The following LRRC9 variants were observed in gnomAD, a reference collection of about 807,000 sequenced individuals.
The protein encoded by LRRC9 is leucine-rich repeat-containing protein 9.
In LRRC9, 122 loss-of-function variants were observed where a neutral mutation model predicts 63.2. The ratio of observed to expected loss-of-function variants is 1.93; its 90% CI spans 1.67 to 2.24. The LOEUF is 2.24. Ranked by LOEUF, LRRC9 falls within the 30% of genes most tolerant of loss-of-function variation. LRRC9 has a pLI of 0.00. For synonymous variants in LRRC9, 366 were observed against 213.1 expected (o/e 1.72, Z -6.25); for missense variants, 1,071 against 627.7 (o/e 1.71, Z -7.55).
At chr14:60,011,656 T>G (rs1043154801) in intron 23 of LRRC9, among the ~76,000 whole-genome samples, 1 of 152,198 alleles carries the variant, frequency 6.6e-6, no homozygotes, top group Non-Finnish European at 1.5e-5. Flanking sequence ...AATGTATGAA[T>G]TAATAATTGG....
Position 59,919,945 on chromosome 14 carries a change from C to G in LRRC9, c.-34+62C>G, listed in dbSNP as rs1888620431. The G allele has an allele frequency of 6.6e-6, 1 of 152,256 alleles. No individual in the cohort carries two copies. 9.4% of individuals were successfully genotyped at this position (152,256 alleles called of 1,614,324 possible). A position where few individuals can be genotyped will look rare whatever the true frequency, so the allele number is the denominator to read the frequency against. On this transcript the variant is annotated intron_variant, in intron 1 of 31. Coordinates refer to ENST00000445360, the Ensembl canonical transcript of LRRC9. This position sits in a 1 kb window ranked among gnomAD's most constrained non-coding sequence, Gnocchi z 4.5. ...GCCAGCGAGAAGCTCCCGCCGTTTC[C>G]CAGGAGCCCCAGGTGGGGTCTTCCG...
chr14:59,989,664 A>G (rs1887846327), intron 17 of LRRC9, among the ~76,000 whole-genome samples: 1 of 152,022 alleles, frequency 6.6e-6, no homozygotes, highest in Admixed American at 6.6e-5. Context: ...CTTTTTTGCT[A>G]CCAGTAATAT....
intron 6 of LRRC9, among the ~76,000 whole-genome samples, chr14:59,933,211 C>G (rs1566784379): frequency 6.6e-6 from 1 of 152,136 alleles, no homozygotes; most frequent in South Asian, 2.1e-4. Context: ...ACCGTCACAA[C>G]CTCCCCAACC....
rs1003562524 is a variant in LRRC9 at position 59,992,101 on chromosome 14, C to A, written c.2212-5555C>A. Among the ~76,000 whole-genome samples the A allele has an allele frequency of 2.6e-5, 4 of 152,162 alleles. No homozygotes were observed. The East Asian group carries it at 7.7e-4, about 29-fold the overall frequency. On this transcript the variant is annotated intron_variant, in intron 17 of 31. Coordinates refer to ENST00000445360, the Ensembl canonical transcript of LRRC9. ...TGACACCTCACATGGCCGGGTACTC[C>A]TCTGAGACAAAACTTCCAGAGGAAT...
In LRRC9 at chr14:59,986,511, T is replaced by A. The variant is rs1331129985; in HGVS notation, c.2211+1287T>A. On this transcript the variant is annotated intron_variant, in intron 17 of 31. Coordinates refer to ENST00000445360, the Ensembl canonical transcript of LRRC9. The surrounding 1 kb of genome is among the most constrained non-coding windows in gnomAD (Gnocchi z 4.7). ...AGCCCTTTTAAGTAAGTAGAATCCC[T>A]GAGAGTCTGGATTCAGTATGCAACT... Among the ~76,000 whole-genome samples the A allele has an allele frequency of 6.6e-6, 1 of 152,240 alleles. No homozygotes were observed. Among genetic ancestry groups the A allele is most frequent in the Non-Finnish European group, 1.5e-5 (1 of 68,028 alleles).
intron 16 of LRRC9, among the ~76,000 whole-genome samples, chr14:59,984,393 T>G (rs1468678430): frequency 6.6e-6 from 1 of 152,254 alleles, no homozygotes; most frequent in African/African-American, 2.4e-5. Context: ...GTTGCATTAA[T>G]ACATTGTCTT....
chr14:59,981,370 T>G (rs1364699386), intron 15 of LRRC9, among the ~76,000 whole-genome samples: 1 of 152,208 alleles, frequency 6.6e-6, no homozygotes, highest in Non-Finnish European at 1.5e-5. Context: ...TTCTGTTTGT[T>G]CATGTGGCTC....
At chr14:60,000,996 T>C (rs1395420818) in intron 19 of LRRC9, among the ~76,000 whole-genome samples, 1 of 152,080 alleles carries the variant, frequency 6.6e-6, no homozygotes, top group Non-Finnish European at 1.5e-5. Flanking sequence ...TCCACCATAT[T>C]AGCATTCAAG....
chr14:59,967,270 G>T (rs780554616), intron 12 of LRRC9, 57 bp downstream of exon 12: 3 of 513,046 alleles, frequency 5.8e-6, no homozygotes, highest in South Asian at 3.2e-5. Context: ...GAGCTCTGCC[G>T]CTGGTTAAGC....
At chr14:59,960,040 T>C in intron 9 of LRRC9, 26 bp downstream of exon 9, 1 of 625,896 alleles carries the variant, frequency 1.6e-6, no homozygotes, top group South Asian at 1.9e-5. Context: ...TATCTAGTTG[T>C]TCTGATCTGA....
At chr14:60,059,786 C>T (rs943025054) in intron 31 of LRRC9, among the ~76,000 whole-genome samples, 3 of 152,220 alleles carry the variant, frequency 2.0e-5, no homozygotes, top group African/African-American at 7.2e-5. Context: ...ACTATTATAT[C>T]AGGCAACATA....
chr14:60,063,395 A>G (rs1343179209), exon 32 of LRRC9: 1 of 700,806 alleles, frequency 1.4e-6, no homozygotes, highest in Non-Finnish European at 2.6e-6. Context: ...ACACCAAGAA[A>G]CTCACCTGTT....
At chr14:59,943,728 A>G (rs1401977981) in intron 7 of LRRC9, among the ~76,000 whole-genome samples, 5 of 151,980 alleles carry the variant, frequency 3.3e-5, no homozygotes. Flanking sequence ...CATACTATGT[A>G]TTTGTTCCTA....
At position 60,027,772 on chromosome 14, in the gene LRRC9, C is replaced by T; in HGVS notation, c.3704-112C>T. On this transcript the variant is annotated intron_variant, in intron 27 of 31. Transcript: ENST00000445360. The surrounding 1 kb of genome is among the most constrained non-coding windows in gnomAD (Gnocchi z 4.0). The stretch of plus-strand genomic sequence containing the variant: ...TCTTTGGAAATAAGTTTCTTGAATC[C>T]TTTACTTCTTTTGACAAATCATCTG... 19 of 523,022 alleles carry T rather than the reference C, an allele frequency of 3.6e-5. No individual in the cohort carries two copies. The highest frequency in any genetic ancestry group is 1.5e-4 in the East Asian group (5 of 33,086). 32.4% of individuals were successfully genotyped at this position (523,022 alleles called of 1,614,324 possible).
chr14:60,035,257 T>G (rs576963658), intron 29 of LRRC9, among the ~76,000 whole-genome samples: 1 of 152,324 alleles, frequency 6.6e-6, no homozygotes, highest in South Asian at 2.1e-4. Flanking sequence ...TAATCCCTTG[T>G]CAGATGGATT....
chr14:59,988,273 T>G (rs888864959), intron 17 of LRRC9, among the ~76,000 whole-genome samples: 1 of 152,186 alleles, frequency 6.6e-6, no homozygotes, highest in African/African-American at 2.4e-5. Flanking sequence ...GGTCATAATT[T>G]CTAGGTATTA....
intron 26 of LRRC9, among the ~76,000 whole-genome samples, chr14:60,022,495 A>G (rs1891190789): frequency 6.6e-6 from 1 of 151,630 alleles, no homozygotes; most frequent in Non-Finnish European, 1.5e-5. Flanking sequence ...GCCTGATTGC[A>G]TTTTCTAATG....
rs576107421 is a variant in LRRC9 at position 59,942,606 on chromosome 14, T to G, written c.727-1983T>G. The stretch of plus-strand genomic sequence containing the variant: ...AGCCAGGCGTGGTGGCAGGTGCCTG[T>G]AATACCAGCTACTCAGGAGGCTGAG... On this transcript the variant is annotated intron_variant, in intron 7 of 31. Transcript: ENST00000445360. The surrounding 1 kb of genome is among the most constrained non-coding windows in gnomAD (Gnocchi z 5.3). Among the ~76,000 whole-genome samples the G allele has an allele frequency of 6.6e-6, 1 of 152,220 alleles. No homozygotes were observed. Among genetic ancestry groups the G allele is most frequent in the South Asian group, 2.1e-4 (1 of 4,818 alleles).
intron 7 of LRRC9, among the ~76,000 whole-genome samples, chr14:59,941,696 A>G (rs943460655): frequency 2.6e-5 from 4 of 152,206 alleles, no homozygotes; most frequent in Admixed American, 1.3e-4. Context: ...CAATAATTCT[A>G]TGTATTCTAT....
Sources: allele counts gnomAD v4.1 joint callset (sites outside exome capture counted in the v4.1 genomes callset), GRCh38; gene constraint gnomAD v4.1.1; non-coding constraint Gnocchi (gnomAD v3.1); transcripts MANE v1.5; gene names NCBI Gene and HGNC (gene_info 2026-07-23, HGNC 2026-07-21).